DCAF12: variants seen among roughly 807,000 people sequenced by gnomAD.
DCAF12 encodes the protein DDB1- and CUL4-associated factor 12.
A neutral mutation model predicts 52.8 loss-of-function variants in DCAF12; 28 were observed. The observed-to-expected ratio is 0.53, with a 90% CI of 0.39 to 0.73. The LOEUF (loss-of-function observed/expected upper bound fraction) is 0.73. DCAF12 is among the 30% of genes least tolerant of loss of function. The probability of loss-of-function intolerance (pLI) is 0.00; values close to 1 mark genes in which losing one functional copy is unlikely to be tolerated. For missense variants in DCAF12, 425 were observed against 552.2 expected, an observed-to-expected ratio of 0.77 and a Z score of 2.31; for synonymous variants, 196 against 215.5, an observed-to-expected ratio of 0.91 and a Z score of 0.79.
Position 34,107,388 on chromosome 9 carries a change from G to A in DCAF12, c.511C>T (p.Pro171Ser). The change falls in exon 3 of 9, where the codon CCT (proline) becomes TCT (serine). Residue 171 changes from proline to serine, a missense_variant. By Grantham distance (74) the Pro-to-Ser change is moderately conservative. Transcript: ENST00000361264. ...CCTACACACACAGGATCCAGCGTAG[G>A]TAGTCGATAGATGGCAAGACTGTTG... ...NPNSLAIYRL[P>S]TLDPVCVGDD... 4 of 1,614,120 alleles carry A rather than the reference G, an allele frequency of 2.5e-6. No homozygotes were observed. Among genetic ancestry groups the A allele is most frequent in the South Asian group, 1.1e-5 (1 of 91,086 alleles).
intron 5 of DCAF12, among the ~76,000 whole-genome samples, chr9:34,097,973 A>G (rs1051290449): frequency 3.3e-5 from 5 of 151,902 alleles, no homozygotes; most frequent in African/African-American, 1.2e-4. Context: ...TACCAAAGAG[A>G]AAAAAAGTGA....
chr9:34,088,433 C>T lies in DCAF12; in HGVS notation c.1279G>A (p.Asp427Asn). The T allele has an allele frequency of 1.9e-6, 3 of 1,614,104 alleles. No homozygotes were observed. The highest frequency in any genetic ancestry group is 8.5e-7 in the Non-Finnish European group (1 of 1,179,982). Residue 427 changes from aspartate (D) to asparagine (N), a missense_variant, in exon 9 of 9, where the codon GAC becomes AAC. Around this residue, in one of 3 missense-constraint regions of DCAF12, gnomAD observed 328 missense variants for 444.4 expected, o/e 0.74. Transcript: ENST00000361264. ...FPNAVYTHCYDSSGTKLFVAG... is the reference protein window; with the variant it reads ...FPNAVYTHCYNSSGTKLFVAG... ...ACAAAGAGTTTCGTTCCAGACGAGT[C>T]GTAGCAGTGGGTGTAAACAGCATTG...
In DCAF12 at chr9:34,114,903, G is replaced by A. The variant is rs1829061043; in HGVS notation, c.334-7338C>T. 2.0e-5 allele frequency among the ~76,000 whole-genome samples: 3 copies of A among 152,064 alleles called. No individual in the cohort carries two copies. The South Asian group carries it at 6.2e-4, about 32-fold the overall frequency. On this transcript the variant is annotated intron_variant, in intron 2 of 8. Coordinates refer to ENST00000361264, the MANE Select transcript of DCAF12 (RefSeq NM_015397.4). ...GATCTCATGGGCCCAGGAGGTCAAG[G>A]CTTCAGTGAGCTATAATTGTGCCAT...
Position 34,109,389 on chromosome 9 carries a change from A to G in DCAF12, c.334-1824T>C, listed in dbSNP as rs933811346. 3.0e-5 allele frequency: 6 copies of G among 201,316 alleles called. No homozygotes were observed. In the East Asian group the frequency reaches 3.4e-4, roughly 12 times the overall value. 12.5% of individuals were successfully genotyped at this position (201,316 alleles called of 1,614,324 possible). ...CTCCTAGATGGCTGTGTTGTTGCCA[A>G]TGACGGTGGCAGCCATCTTTAGCCC... On this transcript the variant is annotated intron_variant, in intron 2 of 8. Coordinates refer to ENST00000361264, the MANE Select transcript of DCAF12 (RefSeq NM_015397.4).
intron 4 of DCAF12, among the ~76,000 whole-genome samples, chr9:34,104,799 C>T (rs530802697): frequency 3.2e-4 from 49 of 151,558 alleles, no homozygotes; most frequent in African/African-American, 1.1e-3. Flanking sequence ...CACCTGTAAT[C>T]CCAGCTACTC....
chr9:34,097,202 G>C (rs565060812), intron 5 of DCAF12, among the ~76,000 whole-genome samples: 38 of 150,110 alleles, frequency 2.5e-4, no homozygotes, highest in Non-Finnish European at 4.1e-4. Flanking sequence ...ACTGTGGCCT[G>C]ATTCAGATTC....
chr9:34,099,803 A>G lies in DCAF12; in HGVS notation c.602-1286T>C, dbSNP rs538173101. Among the ~76,000 whole-genome samples the G allele has an allele frequency of 6.6e-5, 10 of 152,072 alleles. No homozygotes were observed. In the East Asian group the frequency reaches 1.9e-3, roughly 30 times the overall value. On this transcript the variant is annotated intron_variant, in intron 4 of 8. Transcript: ENST00000361264. ...GAGACGGCGTTTCACCATGTTGGCC[A>G]GGCTGGTGTCGAACTCCTGACCTCA... is the stretch of plus-strand genomic sequence containing the variant.
chr9:34,120,875 CA>C (rs1366425052), intron 2 of DCAF12, among the ~76,000 whole-genome samples: 1 of 151,594 alleles, frequency 6.6e-6, no homozygotes, highest in African/African-American at 2.4e-5. Flanking sequence ...GAACACTGGC[CA>C]GGCAAGGTGG....
intron 7 of DCAF12, among the ~76,000 whole-genome samples, chr9:34,092,669 A>G (rs1047979576): frequency 3.3e-5 from 5 of 150,352 alleles, no homozygotes; most frequent in African/African-American, 1.2e-4. Flanking sequence ...CTGGCAAAAG[A>G]GCGAGACTCT....
rs1396892385 is a variant in DCAF12, at chr9:34,088,428, C to T, written c.1284G>A (p.Ser428=). The change falls in exon 9 of 9, where the codon TCG becomes TCA. Residue 428 remains serine (S), a synonymous_variant. Transcript: ENST00000361264. ...PNAVYTHCYD[S]SGTKLFVAGG... Reference sequence around the variant, plus strand: ...CTGCCACAAAGAGTTTCGTTCCAGACGAGTCGTAGCAGTGGGTGTAAACAG... The same window carrying T: ...CTGCCACAAAGAGTTTCGTTCCAGATGAGTCGTAGCAGTGGGTGTAAACAG... 5.0e-6 allele frequency: 8 copies of T among 1,613,890 alleles called. No individual in the cohort carries two copies. Among genetic ancestry groups the T allele is most frequent in the Admixed American group, 3.3e-5 (2 of 59,984 alleles).
intron 6 of DCAF12, 53 bp from the exon 7 acceptor site, chr9:34,093,501 G>A: frequency 6.3e-7 from 1 of 1,592,842 alleles, no homozygotes; most frequent in South Asian, 1.1e-5. Flanking sequence ...GGTAAGGCAG[G>A]GATATTGTTT....
At chr9:34,113,124 C>T (rs1829030903) in intron 2 of DCAF12, among the ~76,000 whole-genome samples, 1 of 152,036 alleles carries the variant, frequency 6.6e-6, no homozygotes, top group Non-Finnish European at 1.5e-5. Flanking sequence ...GATCTTGGCT[C>T]ACCACAACCT....
intron 2 of DCAF12, among the ~76,000 whole-genome samples, chr9:34,120,692 A>C (rs1268559762): frequency 3.3e-5 from 5 of 149,736 alleles, no homozygotes; most frequent in Admixed American, 1.3e-4. Flanking sequence ...AAAAAAGAAA[A>C]CAAAGCAACC....
chr9:34,088,340 G>A lies in DCAF12; in HGVS notation c.*10C>T. On this transcript the variant is annotated 3_prime_UTR_variant, in exon 9 of 9. Coordinates refer to ENST00000361264, the MANE Select transcript of DCAF12 (RefSeq NM_015397.4). ...AGTTAGTGTAAATCTCTGCATTTGGGGAGTTGTCATTAACTCCAGAGCCCA... is the reference window on the plus strand; with the variant it reads ...AGTTAGTGTAAATCTCTGCATTTGGAGAGTTGTCATTAACTCCAGAGCCCA... 1 of 1,541,172 alleles carries A rather than the reference G, an allele frequency of 6.5e-7. No homozygotes were observed. Among genetic ancestry groups the A allele is most frequent in the Non-Finnish European group, 8.7e-7 (1 of 1,148,946 alleles).
Position 34,089,404 on chromosome 9 carries a change from T to TTA in DCAF12, c.1203+6_1203+7dup. 6.2e-7 allele frequency: 1 copy of TTA among 1,610,290 alleles called. No homozygotes were observed. On this transcript the variant is annotated splice_region_variant and intron_variant, in intron 8 of 8. Transcript: ENST00000361264. ...TGTAGCAGTCATCTCAGGTAGGGGC[T>TTA]TACGCACCAGCCAGCCTTTGCCAGT...
rs184527570 is a variant in DCAF12, at chr9:34,125,074, T to C, written c.282A>G (p.Ala94=). ...CTTGCCTATGATTCAACCACTGAGATGCAAACACTTTATTAAGGGTCCCAA... is the reference window on the plus strand; with the variant it reads ...CTTGCCTATGATTCAACCACTGAGACGCAAACACTTTATTAAGGGTCCCAA... ...FHLGTLNKVF[A]SQWLNHRQVV... is the part of the protein sequence containing the mutation. The change falls in exon 2 of 9, where the codon GCA becomes GCG. Residue 94 remains alanine, a synonymous_variant. Coordinates refer to ENST00000361264, the MANE Select transcript of DCAF12 (RefSeq NM_015397.4). 6.2e-7 allele frequency: 1 copy of C among 1,614,028 alleles called. No individual in the cohort carries two copies.
At chr9:34,117,011 C>T (rs996654496) in intron 2 of DCAF12, among the ~76,000 whole-genome samples, 10 of 152,258 alleles carry the variant, frequency 6.6e-5, no homozygotes, top group East Asian at 1.9e-4. Context: ...CACGTGTCTG[C>T]GCTATGCCAA....
intron 2 of DCAF12, among the ~76,000 whole-genome samples, chr9:34,122,466 A>C (rs1241622576): frequency 6.7e-6 from 1 of 149,716 alleles, no homozygotes; most frequent in Non-Finnish European, 1.5e-5. Flanking sequence ...TCAAGACATT[A>C]GTATCAATTT....
intron 5 of DCAF12, 144 bp from the exon 6 acceptor site, chr9:34,096,925 T>C (rs1026771206): frequency 2.9e-6 from 2 of 686,534 alleles, no homozygotes; most frequent in Non-Finnish European, 4.9e-6. Context: ...ATTAGACCAT[T>C]ACTTCACCCT....
Sources: allele counts gnomAD v4.1 joint callset (sites outside exome capture counted in the v4.1 genomes callset), GRCh38; gene constraint gnomAD v4.1.1; regional missense constraint gnomAD v4.1.1; transcripts MANE v1.5; gene names NCBI Gene and HGNC (gene_info 2026-07-23, HGNC 2026-07-21).